Variants in GID4 observed in about 807,000 individuals in gnomAD.
The protein encoded by GID4 is GID complex subunit 4 homolog.
GID4 carries 7 observed loss-of-function variants against 32.4 expected under a neutral mutation model. The observed-to-expected ratio is 0.22, with a 90% CI of 0.12 to 0.41. GID4 has a LOEUF of 0.41. GID4 is among the 10% of genes least tolerant of loss of function. GID4 has a pLI of 1.00. For synonymous variants in GID4, 166 were observed against 170.0 expected (o/e 0.98, Z 0.18); for missense variants, 309 against 400.0 (o/e 0.77, Z 1.94).
chr17:18,052,444 G>A (rs1199768878), intron 2 of GID4, among the ~76,000 whole-genome samples: 1 of 152,184 alleles, frequency 6.6e-6, no homozygotes, highest in Non-Finnish European at 1.5e-5. Flanking sequence ...AAAGCCATCA[G>A]AATGAGGTTT....
At chr17:18,047,875 A>T (rs986494019) in intron 2 of GID4, among the ~76,000 whole-genome samples, 16 of 151,994 alleles carry the variant, frequency 1.1e-4, no homozygotes, top group African/African-American at 3.6e-4. Context: ...TTTTTAGTGT[A>T]TTCACAAAGT....
rs546695787 is a variant in GID4, at chr17:18,039,681, C to T, written c.217C>T (p.Leu73Phe). ...SRAAAAVPLP[L>F]PPALAPGDPA... ...CGCGGCGGCGGCGGTTCCTCTCCCA[C>T]TCCCCCCAGCCCTGGCTCCGGGGGA... Residue 73 changes from leucine (L) to phenylalanine (F), a missense_variant, in exon 1 of 6, where the codon CTC becomes TTC. By Grantham distance (22) the Leu-to-Phe change is conservative. Around this residue, in one of 2 missense-constraint regions of GID4, gnomAD observed 193 missense variants for 185.8 expected, o/e 1.04. Coordinates refer to ENST00000268719, the MANE Select transcript of GID4 (RefSeq NM_024052.5). The surrounding 1 kb of genome is among the most constrained non-coding windows in gnomAD (Gnocchi z 5.3). 624 of 1,413,154 alleles carry T rather than the reference C, an allele frequency of 4.4e-4. 4 individuals carry two copies. The African/African-American group carries it at 8.6e-3, about 19-fold the overall frequency. 87.5% of individuals were successfully genotyped at this position (1,413,154 alleles called of 1,614,324 possible). A position where few individuals can be genotyped will look rare whatever the true frequency, so the allele number is the denominator to read the frequency against.
At chr17:18,044,400 A>C (rs1227114702) in intron 1 of GID4, among the ~76,000 whole-genome samples, 1 of 152,224 alleles carries the variant, frequency 6.6e-6, no homozygotes, top group East Asian at 1.9e-4. Context: ...GGCATCCGGC[A>C]GTGTCTCAGC....
intron 4 of GID4, among the ~76,000 whole-genome samples, chr17:18,060,923 C>T (rs1369759144): frequency 1.3e-5 from 2 of 152,040 alleles, no homozygotes; most frequent in Non-Finnish European, 2.9e-5. Flanking sequence ...TTAGTAGAGA[C>T]GGGTTTTCGC....
At chr17:18,044,764 G>A (rs57662319) in intron 1 of GID4, among the ~76,000 whole-genome samples, 2,345 of 152,288 alleles carry the variant, frequency 0.015, 68 homozygotes, top group African/African-American at 0.053. Flanking sequence ...AGTCAAGCCT[G>A]AGGTTAGGGA....
At chr17:18,056,233 G>T (rs2044965806) in intron 3 of GID4, among the ~76,000 whole-genome samples, 1 of 152,204 alleles carries the variant, frequency 6.6e-6, no homozygotes, top group Non-Finnish European at 1.5e-5. Flanking sequence ...TTAAACTTGA[G>T]CTTTTTAAAG....
chr17:18,043,416 T>C (rs2955359), intron 1 of GID4, among the ~76,000 whole-genome samples: 90,396 of 152,118 alleles, frequency 0.59, 28,006 homozygotes, highest in Non-Finnish European at 0.68. Context: ...GCTGTGAAAC[T>C]CCAAACTATA....
chr17:18,041,295 A>T (rs1195954549), intron 1 of GID4, among the ~76,000 whole-genome samples: 2 of 152,068 alleles, frequency 1.3e-5, no homozygotes, highest in Non-Finnish European at 2.9e-5. Context: ...TCTTAGTTTC[A>T]CTTCTGAAGA....
intron 1 of GID4, among the ~76,000 whole-genome samples, chr17:18,041,362 G>A (rs910015806): frequency 1.3e-5 from 2 of 152,174 alleles, no homozygotes; most frequent in Non-Finnish European, 2.9e-5. Context: ...TAACTGCGGA[G>A]CACTCATCAC....
chr17:18,060,400 CAAAAAAAAAA>C (rs919974638), intron 4 of GID4, among the ~76,000 whole-genome samples: 5 of 45,674 alleles, frequency 1.1e-4, no homozygotes, highest in African/African-American at 1.5e-4. Flanking sequence ...TCTGTCTCAC[CAAAAAAAAAA>C]AAAAAAAAAA....
At chr17:18,046,247 C>G (rs1384468285) in intron 2 of GID4, among the ~76,000 whole-genome samples, 1 of 152,156 alleles carries the variant, frequency 6.6e-6, no homozygotes, top group Non-Finnish European at 1.5e-5. Context: ...TTCTTCTGCC[C>G]CTTCCTGCAT....
Position 18,060,146 on chromosome 17 carries a change from T to C in GID4, c.708+1177T>C, listed in dbSNP as rs1298436659. ...TGGGCGCGGTGGCTCATGCCTGTAA[T>C]CCCAGCACTTTGGGAGGCCAAGAGA... On this transcript the variant is annotated intron_variant, in intron 4 of 5. Coordinates refer to ENST00000268719, the MANE Select transcript of GID4 (RefSeq NM_024052.5). Among the ~76,000 whole-genome samples the C allele has an allele frequency of 2.8e-5, 4 of 142,574 alleles. No homozygotes were observed. The East Asian group carries it at 8.8e-4, about 31-fold the overall frequency. 93.5% of individuals were successfully genotyped at this position (142,574 alleles called of 152,430 possible).
At chr17:18,043,995 G>C (rs2044827085) in intron 1 of GID4, among the ~76,000 whole-genome samples, 1 of 152,120 alleles carries the variant, frequency 6.6e-6, no homozygotes, top group Non-Finnish European at 1.5e-5. Context: ...GCTTCAGGTT[G>C]GTTAATTCAG....
rs763810094 is a variant in GID4, at chr17:18,039,919, G to C, written c.438+17G>C. 2 of 1,364,422 alleles carry C rather than the reference G, an allele frequency of 1.5e-6. No homozygotes were observed. The highest frequency in any genetic ancestry group is 3.0e-5 in the African/African-American group (2 of 66,948). The allele number at this position is 1,364,422 out of a possible 1,614,324, so 84.5% of individuals were successfully genotyped here. A position where few individuals can be genotyped will look rare whatever the true frequency, so the allele number is the denominator to read the frequency against. On this transcript the variant is annotated intron_variant, in intron 1 of 5. Transcript: ENST00000268719. The surrounding 1 kb of genome is among the most constrained non-coding windows in gnomAD (Gnocchi z 5.3). ...GTGCTGCAGGTGAGCGCCGGGCCGG[G>C]CCGGGGCCCGAGGGCCTCCTCGCGG...
chr17:18,054,067 G>T, intron 2 of GID4, 60 bp from the exon 3 acceptor site: 1 of 927,820 alleles, frequency 1.1e-6, no homozygotes, highest in Admixed American at 2.0e-5. Context: ...TTTTTCCTTT[G>T]TACAAAGGTT....
intron 3 of GID4, among the ~76,000 whole-genome samples, chr17:18,056,135 G>A (rs750956962): frequency 1.3e-5 from 2 of 152,228 alleles, no homozygotes; most frequent in Non-Finnish European, 2.9e-5. Flanking sequence ...GATTACAGGC[G>A]TGAGCCACCA....
rs2045065921 is a variant in GID4 at position 18,066,594 on chromosome 17, C to T, written c.*1351C>T. 1 of 151,812 alleles carries T rather than the reference C, an allele frequency of 6.6e-6. No individual in the cohort carries two copies. Among genetic ancestry groups the T allele is most frequent in the Non-Finnish European group, 1.5e-5 (1 of 67,984 alleles). 9.4% of individuals were successfully genotyped at this position (151,812 alleles called of 1,614,324 possible). ...GATTTGGCATTTTTCTGGTGGTTTA[C>T]AAGACTTACTCCGAATACAAGAGGA... On this transcript the variant is annotated 3_prime_UTR_variant, in exon 6 of 6. Coordinates refer to ENST00000268719, the MANE Select transcript of GID4 (RefSeq NM_024052.5).
intron 1 of GID4, among the ~76,000 whole-genome samples, chr17:18,040,567 C>G (rs766197709): frequency 6.6e-6 from 1 of 152,170 alleles, no homozygotes. Context: ...CCTGGGTCCC[C>G]TGTTCCACTC....
intron 2 of GID4, 68 bp downstream of exon 2, chr17:18,045,274 C>T (rs797015465): frequency 7.8e-7 from 1 of 1,285,306 alleles, no homozygotes; most frequent in African/African-American, 1.5e-5. Context: ...CATTGGGGTT[C>T]AGGGCAGGCG....
Sources: allele counts gnomAD v4.1 joint callset (sites outside exome capture counted in the v4.1 genomes callset), GRCh38; gene constraint gnomAD v4.1.1; regional missense constraint gnomAD v4.1.1; non-coding constraint Gnocchi (gnomAD v3.1); transcripts MANE v1.5; gene names NCBI Gene and HGNC (gene_info 2026-07-23, HGNC 2026-07-21).